PRH1: variants seen among roughly 807,000 people sequenced by gnomAD.
The protein encoded by PRH1 is salivary acidic proline-rich phosphoprotein 1/2.
In PRH1, 7 loss-of-function variants were observed where a neutral mutation model predicts 7.9. The ratio of observed to expected loss-of-function variants is 0.89; its 90% CI spans 0.50 to 1.67. The LOEUF is 1.67. Among genes scored for constraint, PRH1 ranks in the 40% most tolerant of loss-of-function variants. The pLI is 0.00. For missense variants in PRH1, 109 were observed against 223.6 expected, an observed-to-expected ratio of 0.49 and a Z score of 3.27; for synonymous variants, 45 against 80.8, an observed-to-expected ratio of 0.56 and a Z score of 2.38.
At chr12:11,110,293 C>A (rs1260488605) in intron 1 of PRH1, among the ~76,000 whole-genome samples, 2 of 152,148 alleles carry the variant, frequency 1.3e-5, no homozygotes, top group African/African-American at 4.8e-5. Context: ...GACTGGCCAA[C>A]ATTCAAATTC....
intron 2 of PRH1, among the ~76,000 whole-genome samples, chr12:10,945,304 C>T (rs184452838): frequency 1.3e-5 from 2 of 152,078 alleles, no homozygotes; most frequent in Non-Finnish European, 2.9e-5. Context: ...GAAATTCACC[C>T]CCGATATTTC....
chr12:10,916,356 C>G (rs1429502164), intron 2 of PRH1, among the ~76,000 whole-genome samples: 1 of 152,092 alleles, frequency 6.6e-6, no homozygotes, highest in African/African-American at 2.4e-5. Context: ...TCCAGAGATG[C>G]AGTTTAACAT....
At chr12:10,900,397 C>T (rs1949706310) in intron 2 of PRH1, among the ~76,000 whole-genome samples, 1 of 152,236 alleles carries the variant, frequency 6.6e-6, no homozygotes, top group South Asian at 2.1e-4. Flanking sequence ...TCAGATGCCA[C>T]AAAGTCAATC....
intron 1 of PRH1, among the ~76,000 whole-genome samples, chr12:11,007,067 A>T (rs1940865006): frequency 6.6e-6 from 1 of 152,122 alleles, no homozygotes; most frequent in African/African-American, 2.4e-5. Context: ...AAAACCCAAT[A>T]CATATGTCAT....
chr12:10,997,445 A>T, intron 1 of PRH1: 1 of 1,613,810 alleles, frequency 6.2e-7, no homozygotes, highest in South Asian at 1.1e-5. Context: ...TTTCATCACA[A>T]GGTGACAAAC....
intron 1 of PRH1, among the ~76,000 whole-genome samples, chr12:11,016,613 CT>C (rs1052512322): frequency 5.3e-5 from 8 of 152,190 alleles, no homozygotes; most frequent in African/African-American, 1.9e-4. Context: ...AGTGCGGGGA[CT>C]GCGGGCATGA....
At position 11,088,754 on chromosome 12, in the gene PRH1, C is replaced by G. The variant is rs1165594995; in HGVS notation, n.124-41566G>C. On this transcript the variant is annotated intron_variant and non_coding_transcript_variant, in intron 1 of 4. Transcript: ENST00000541977. ...GGCTCTACAGAAGATATGGACTCTG[C>G]TCCAAGCTGCTCTGGCCACTGTGCC... 2.6e-3 allele frequency among the ~76,000 whole-genome samples: 241 copies of G among 92,778 alleles called. 3 individuals carry two copies. The highest frequency in any genetic ancestry group is 3.9e-3 in the Non-Finnish European group (149 of 38,054). 60.9% of individuals were successfully genotyped at this position (92,778 alleles called of 152,430 possible). A position where few individuals can be genotyped will look rare whatever the true frequency, so the allele number is the denominator to read the frequency against.
At chr12:11,133,120 TACACACACAC>T in intron 1 of PRH1, 1 of 496,930 alleles carries the variant, frequency 2.0e-6, no homozygotes, top group Non-Finnish European at 3.1e-6. Flanking sequence ...CAGTTTTTCA[TACACACACAC>T]ACACACACAC....
chr12:11,121,557 T>C (rs1347052920), intron 1 of PRH1, among the ~76,000 whole-genome samples: 1 of 152,192 alleles, frequency 6.6e-6, no homozygotes, highest in Non-Finnish European at 1.5e-5. Context: ...CTTTTCTAAC[T>C]ACACATAAAA....
chr12:10,971,070 C>T (rs534947628), intron 2 of PRH1, among the ~76,000 whole-genome samples: 3 of 137,518 alleles, frequency 2.2e-5, no homozygotes, highest in South Asian at 2.4e-4. Context: ...CCTAAAAGCA[C>T]AGTAAGAGAA....
intron 1 of PRH1, among the ~76,000 whole-genome samples, chr12:10,994,638 T>C (rs1430759858): frequency 1.8e-5 from 2 of 110,674 alleles, no homozygotes; most frequent in East Asian, 9.0e-4. Flanking sequence ...AGACATTTGC[T>C]CTACTTCTAG....
intron 1 of PRH1, among the ~76,000 whole-genome samples, chr12:11,084,192 T>C (rs1944600066): frequency 8.4e-6 from 1 of 118,692 alleles, no homozygotes; most frequent in Non-Finnish European, 2.0e-5. Flanking sequence ...GCTCTTGGGA[T>C]TGTAACGGGC....
rs558533023 is a variant in PRH1 at position 10,972,825 on chromosome 12, TG to T, written c.-59+829del. 1.2e-4 allele frequency among the ~76,000 whole-genome samples: 19 copies of T among 152,146 alleles called. No homozygotes were observed. In the South Asian group the frequency reaches 3.5e-3, roughly 28 times the overall value. The stretch of plus-strand genomic sequence containing the variant: ...CTATCAAATGCATTCAAGATTTTTT[TG>T]GGAACCCCAGGAAGGCCAGTACTCT... On this transcript the variant is annotated intron_variant, in intron 2 of 3. Transcript: ENST00000539853.
chr12:10,953,151 G>T (rs568988688), intron 2 of PRH1, among the ~76,000 whole-genome samples: 2 of 151,486 alleles, frequency 1.3e-5, no homozygotes, highest in African/African-American at 4.9e-5. Flanking sequence ...TGGCAACTTC[G>T]AAGACTGAAG....
At chr12:11,044,884 G>A (rs1448083520) in intron 1 of PRH1, among the ~76,000 whole-genome samples, 1 of 152,114 alleles carries the variant, frequency 6.6e-6, no homozygotes, top group Non-Finnish European at 1.5e-5. Flanking sequence ...AACCACTATG[G>A]AAAACCATTG....
intron 2 of PRH1, among the ~76,000 whole-genome samples, chr12:10,933,315 T>C (rs1591694385): frequency 6.6e-6 from 1 of 152,024 alleles, no homozygotes. Flanking sequence ...TGAAATTTAA[T>C]AGAGAATTCA....
Position 11,088,991 on chromosome 12 carries a change from A to G in PRH1, n.124-41803T>C, listed in dbSNP as rs1170180125. On this transcript the variant is annotated intron_variant and non_coding_transcript_variant, in intron 1 of 4. Transcript: ENST00000541977. ...TAATCCAAGCATAGAGTCCCTCTAAACACAAGTCCCTATAAGCACAAAACC... is the reference window on the plus strand; with the variant it reads ...TAATCCAAGCATAGAGTCCCTCTAAGCACAAGTCCCTATAAGCACAAAACC... 6.9e-5 allele frequency among the ~76,000 whole-genome samples: 8 copies of G among 115,898 alleles called. 2 individuals carry two copies. Among genetic ancestry groups the G allele is most frequent in the South Asian group, 2.3e-4 (1 of 4,270 alleles). The allele number at this position is 115,898 out of a possible 152,430, so 76.0% of individuals were successfully genotyped here. A position where few individuals can be genotyped will look rare whatever the true frequency, so the allele number is the denominator to read the frequency against.
intron 1 of PRH1, chr12:11,031,039 A>G (rs1473575348): frequency 1.2e-6 from 2 of 1,614,202 alleles, no homozygotes; most frequent in African/African-American, 2.7e-5. Context: ...TGAGGCTAGT[A>G]GCAAGCCAGT....
intron 1 of PRH1, among the ~76,000 whole-genome samples, chr12:11,106,264 T>G (rs572100792): frequency 4.6e-5 from 7 of 152,208 alleles, no homozygotes; most frequent in African/African-American, 1.7e-4. Flanking sequence ...AGAAGCTCAT[T>G]AATACAAACA....
Sources: allele counts gnomAD v4.1 joint callset (sites outside exome capture counted in the v4.1 genomes callset), GRCh38; gene constraint gnomAD v4.1.1; transcripts MANE v1.5; gene names NCBI Gene and HGNC (gene_info 2026-07-23, HGNC 2026-07-21).